Variants in REEP5 observed in about 807,000 individuals in gnomAD.
The protein encoded by REEP5 is receptor accessory protein 5.
Under a neutral mutation model 22.4 loss-of-function variants are expected in REEP5, and 24 were observed. That is an observed-to-expected ratio of 1.07 (90% CI 0.78 to 1.51). The LOEUF is 1.51. REEP5 is among the 40% of genes most tolerant of loss of function. The pLI is 0.00. For synonymous variants in REEP5, 103 were observed against 88.6 expected (o/e 1.16, Z -0.92); for missense variants, 252 against 233.0 (o/e 1.08, Z -0.53).
rs1561644212 is a variant in REEP5 at position 112,877,979 on chromosome 5, CTCTGTGTGTGTGTGTGTGTGTGTGTGTG to C, written c.*779_*806del. Reference sequence around the variant, plus strand: ...TCAGGGAATTGAGAGTTACAGGTTACTCTGTGTGTGTGTGTGTGTGTGTGTGTGTGTGTGTGTGTGTGTAAATTTCCCG... The same window carrying C: ...TCAGGGAATTGAGAGTTACAGGTTACTGTGTGTGTGTGTGTAAATTTCCCG... On this transcript the variant is annotated 3_prime_UTR_variant, in exon 5 of 5. Coordinates refer to ENST00000379638, the MANE Select transcript of REEP5 (RefSeq NM_005669.5). The C allele has an allele frequency of 1.7e-5, 2 of 115,478 alleles. No homozygotes were observed. The highest frequency in any genetic ancestry group is 7.3e-5 in the African/African-American group (2 of 27,502). 7.2% of individuals were successfully genotyped at this position (115,478 alleles called of 1,614,324 possible). A position where few individuals can be genotyped will look rare whatever the true frequency, so the allele number is the denominator to read the frequency against.
chr5:112,889,088 T>C (rs541093826), intron 3 of REEP5, among the ~76,000 whole-genome samples: 8 of 150,910 alleles, frequency 5.3e-5, no homozygotes, highest in Admixed American at 1.3e-4. Flanking sequence ...TCCACCATGA[T>C]TGTGAGGTCT....
intron 4 of REEP5, among the ~76,000 whole-genome samples, chr5:112,882,320 A>AT (rs1423383796): frequency 2.6e-5 from 4 of 151,934 alleles, no homozygotes; most frequent in African/African-American, 9.7e-5. Context: ...TTTTTTGCTC[A>AT]TTGTAGATGA....
chr5:112,918,365 A>G (rs552312002), intron 2 of REEP5, among the ~76,000 whole-genome samples: 1 of 152,300 alleles, frequency 6.6e-6, no homozygotes, highest in East Asian at 1.9e-4. Context: ...AGCCAGGTGC[A>G]CCTGAGCTTC....
intron 2 of REEP5, among the ~76,000 whole-genome samples, chr5:112,905,970 A>G (rs1768948872): frequency 6.6e-6 from 1 of 152,204 alleles, no homozygotes. Context: ...TTCAGTAGAT[A>G]AAAGTGATTC....
chr5:112,896,387 G>T (rs972055280), intron 3 of REEP5: 1 of 152,164 alleles, frequency 6.6e-6, no homozygotes, highest in African/African-American at 2.4e-5. Context: ...GCCTAGCGTG[G>T]TGGTGGGCAC....
chr5:112,882,453 T>A (rs1368282435), intron 4 of REEP5, among the ~76,000 whole-genome samples: 1 of 152,236 alleles, frequency 6.6e-6, no homozygotes, highest in African/African-American at 2.4e-5. Flanking sequence ...ACTTCATAGT[T>A]CTTGCTGGAA....
intron 2 of REEP5, among the ~76,000 whole-genome samples, chr5:112,904,430 T>C (rs976618042): frequency 3.9e-5 from 6 of 152,224 alleles, no homozygotes; most frequent in Admixed American, 3.9e-4. Flanking sequence ...ACATTCATTC[T>C]GGGCAGAGGA....
At chr5:112,882,498 T>C (rs1488783182) in intron 4 of REEP5, among the ~76,000 whole-genome samples, 1 of 152,220 alleles carries the variant, frequency 6.6e-6, no homozygotes, top group African/African-American at 2.4e-5. Flanking sequence ...ACCTACTCTG[T>C]AGCTATACCC....
chr5:112,915,292 G>A (rs1214679255), intron 2 of REEP5, among the ~76,000 whole-genome samples: 2 of 151,996 alleles, frequency 1.3e-5, no homozygotes, highest in Non-Finnish European at 2.9e-5. Context: ...TTAGAGCCCA[G>A]AAACTCTGAT....
chr5:112,894,114 GGTT>G (rs1237863763), intron 3 of REEP5: 4 of 132,988 alleles, frequency 3.0e-5, no homozygotes, highest in African/African-American at 1.4e-4. Context: ...TTGTTTTTTT[GGTT>G]TTTTTTGTTT....
intron 4 of REEP5, chr5:112,881,939 GT>G (rs111457700): frequency 0.5 from 70,781 of 142,238 alleles, 18,493 homozygotes; most frequent in African/African-American, 0.71. Flanking sequence ...TAATTTTTGT[GT>G]TTTTTTTTTT....
chr5:112,878,960 G>C, intron 4 of REEP5, 125 bp from the exon 5 acceptor site: 2 of 1,451,132 alleles, frequency 1.4e-6, no homozygotes, highest in East Asian at 2.3e-5. Flanking sequence ...GTTCAGGTGC[G>C]ATCATGTTGG....
In REEP5 at chr5:112,916,222, CTG is replaced by C. The variant is rs201267389; in HGVS notation, c.212+4939_212+4940del. Among the ~76,000 whole-genome samples the C allele has an allele frequency of 7.7e-3, 1,175 of 152,342 alleles. 6 individuals carry two copies. Among genetic ancestry groups the C allele is most frequent in the African/African-American group, 0.026 (1,084 of 41,576 alleles). Reference sequence around the variant, plus strand: ...TGCTGTTGCTTTTACTTGTGGTTAACTGTGTTACAACTCTTGTAGATATTTTC... The same window carrying C: ...TGCTGTTGCTTTTACTTGTGGTTAACTGTTACAACTCTTGTAGATATTTTC... On this transcript the variant is annotated intron_variant, in intron 2 of 4. Coordinates refer to ENST00000379638, the MANE Select transcript of REEP5 (RefSeq NM_005669.5).
intron 2 of REEP5, among the ~76,000 whole-genome samples, chr5:112,920,210 A>T (rs1312347930): frequency 6.6e-6 from 1 of 152,214 alleles, no homozygotes; most frequent in African/African-American, 2.4e-5. Flanking sequence ...TAACTTCTAA[A>T]ACATGTTTCT....
In REEP5 at chr5:112,902,779, C is replaced by T. The variant is rs188880590; in HGVS notation, c.213-261G>A. 4.7e-3 allele frequency among the ~76,000 whole-genome samples: 712 copies of T among 152,288 alleles called. 11 individuals are homozygous for T. Among genetic ancestry groups the T allele is most frequent in the Non-Finnish European group, 3.4e-3 (229 of 68,020 alleles). ...TTACTGCCCTGGATCTCCACCCTGCCAAAGCCTCCCCACAAGTCCTAGAAT... is the reference window on the plus strand; with the variant it reads ...TTACTGCCCTGGATCTCCACCCTGCTAAAGCCTCCCCACAAGTCCTAGAAT... On this transcript the variant is annotated intron_variant, in intron 2 of 4. Transcript: ENST00000379638.
intron 2 of REEP5, among the ~76,000 whole-genome samples, chr5:112,910,132 G>A (rs145022211): frequency 0.035 from 5,334 of 152,188 alleles, 231 homozygotes; most frequent in East Asian, 0.16. Flanking sequence ...GTGATACCCC[G>A]TCTCTACTAA....
At chr5:112,915,410 T>A (rs898095882) in intron 2 of REEP5, among the ~76,000 whole-genome samples, 2 of 152,214 alleles carry the variant, frequency 1.3e-5, no homozygotes, top group Admixed American at 1.3e-4. Flanking sequence ...GCTGTCATTA[T>A]TTTACAAAAT....
chr5:112,878,131 A>G lies in REEP5; in HGVS notation c.*655T>C, dbSNP rs998355401. ...TACGGAAACAACCAGGCCAATCTCC[A>G]TTCGATTTCATTTCTCACTTTGTTC... On this transcript the variant is annotated 3_prime_UTR_variant, in exon 5 of 5. Coordinates refer to ENST00000379638, the MANE Select transcript of REEP5 (RefSeq NM_005669.5). 3.9e-5 allele frequency: 6 copies of G among 152,440 alleles called. No homozygotes were observed. Among genetic ancestry groups the G allele is most frequent in the African/African-American group, 1.4e-4 (6 of 41,398 alleles). The allele number at this position is 152,440 out of a possible 1,614,324, so 9.4% of individuals were successfully genotyped here.
At chr5:112,903,059 G>A (rs1423685533) in intron 2 of REEP5, among the ~76,000 whole-genome samples, 1 of 152,190 alleles carries the variant, frequency 6.6e-6, no homozygotes, top group African/African-American at 2.4e-5. Flanking sequence ...AGTTCAGAAT[G>A]TCTTTAACTG....
Sources: gnomAD v4.1 joint callset for allele counts (sites outside exome capture counted in the v4.1 genomes callset) on GRCh38, gnomAD v4.1.1 for gene constraint, MANE v1.5 for transcripts, NCBI Gene and HGNC (gene_info 2026-07-23, HGNC 2026-07-21) for gene names.